Variants in COG5 observed in about 807,000 individuals in gnomAD.
COG5 encodes component of oligomeric golgi complex 5.
In COG5, 86 loss-of-function variants were observed where a neutral mutation model predicts 110.4. The observed-to-expected ratio is 0.78, with a 90% CI of 0.65 to 0.93. COG5 has a LOEUF of 0.93. Ranked by LOEUF, COG5 falls within the 40% of genes least tolerant of loss-of-function variation. COG5 has a pLI of 0.00. For synonymous variants in COG5, 360 were observed against 334.6 expected, an observed-to-expected ratio of 1.08 and a Z score of -0.83; for missense variants, 1,077 against 987.0, an observed-to-expected ratio of 1.09 and a Z score of -1.22.
At chr7:107,295,096 TATA>T (rs1160249512) in intron 12 of COG5, among the ~76,000 whole-genome samples, 39 of 73,122 alleles carry the variant, frequency 5.3e-4, no homozygotes, top group African/African-American at 1.3e-3. Flanking sequence ...TATATATATA[TATA>T]TATTTTTTTT....
intron 17 of COG5, among the ~76,000 whole-genome samples, chr7:107,241,143 T>C (rs1293131959): frequency 6.6e-6 from 1 of 152,204 alleles, no homozygotes; most frequent in Non-Finnish European, 1.5e-5. Flanking sequence ...CAGGCACTAG[T>C]TGCAGCTCAC....
At chr7:107,374,315 T>C (rs1814445078) in intron 7 of COG5, among the ~76,000 whole-genome samples, 1 of 152,104 alleles carries the variant, frequency 6.6e-6, no homozygotes, top group Admixed American at 6.6e-5. Flanking sequence ...CCCATGTCAT[T>C]ATTTAAGTGT....
chr7:107,440,338 A>C (rs553466543), intron 6 of COG5, among the ~76,000 whole-genome samples: 4 of 152,170 alleles, frequency 2.6e-5, no homozygotes, highest in African/African-American at 9.6e-5. Flanking sequence ...TAAAATAACT[A>C]CAACTTTCAG....
intron 6 of COG5, among the ~76,000 whole-genome samples, chr7:107,439,988 GC>G (rs1168846948): frequency 6.6e-6 from 1 of 152,116 alleles, no homozygotes; most frequent in Non-Finnish European, 1.5e-5. Context: ...TATATCCTCA[GC>G]CCCAACATCC....
At chr7:107,551,190 C>A (rs1464640219) in intron 3 of COG5, among the ~76,000 whole-genome samples, 9 of 151,906 alleles carry the variant, frequency 5.9e-5, no homozygotes, top group Non-Finnish European at 1.3e-4. Context: ...CTACAGGCAC[C>A]CACCACCACA....
In COG5 at chr7:107,558,092, C is replaced by T. The variant is rs781059953; in HGVS notation, c.118G>A (p.Glu40Lys). ...QDGCYSDFLN[E>K]DFDVKTYTSQ... ...GTATAAGTCTTTACATCAAAGTCTTCGTTTAAAAAGTCACTATAACACCCT... is the reference window on the plus strand; with the variant it reads ...GTATAAGTCTTTACATCAAAGTCTTTGTTTAAAAAGTCACTATAACACCCT... Residue 40 changes from glutamate to lysine, a missense_variant, in exon 2 of 22, where the codon GAA becomes AAA. Transcript: ENST00000297135. 5 of 1,613,664 alleles carry T rather than the reference C, an allele frequency of 3.1e-6. No individual in the cohort carries two copies. The highest frequency in any genetic ancestry group is 1.1e-5 in the South Asian group (1 of 91,062).
intron 21 of COG5, chr7:107,208,927 C>T (rs1433630268): frequency 1.1e-5 from 11 of 984,966 alleles, no homozygotes; most frequent in South Asian, 4.7e-5. Context: ...CAGGGGTTCA[C>T]GCCCTTGGCT....
At chr7:107,233,254 G>A (rs1027783918) in intron 18 of COG5, among the ~76,000 whole-genome samples, 18 of 152,206 alleles carry the variant, frequency 1.2e-4, no homozygotes, top group Non-Finnish European at 1.2e-4. Context: ...AGATCCCAGT[G>A]AGATTCAGAA....
At chr7:107,362,558 T>C (rs1448825105) in intron 8 of COG5, 138 bp from the exon 9 acceptor site, 1 of 663,558 alleles carries the variant, frequency 1.5e-6, no homozygotes, top group East Asian at 2.7e-5. Flanking sequence ...TGAGTAAGAA[T>C]CTTAACCTTT....
chr7:107,328,672 A>C (rs1220924770), intron 10 of COG5, among the ~76,000 whole-genome samples: 2 of 152,198 alleles, frequency 1.3e-5, no homozygotes, highest in Non-Finnish European at 2.9e-5. Flanking sequence ...ATTCTAATAC[A>C]CATTTTAGTA....
rs551193733 is a variant in COG5, at chr7:107,314,544, A to G, written c.1108+9896T>C. ...AGATCACGAGGTCAGGAGATAAGAG[A>G]CCATCCTGGGTAACACGGTGAAACC... is the stretch of plus-strand genomic sequence containing the variant. On this transcript the variant is annotated intron_variant, in intron 11 of 21. Coordinates refer to ENST00000297135, the MANE Select transcript of COG5 (RefSeq NM_006348.5). 3.4e-5 allele frequency among the ~76,000 whole-genome samples: 5 copies of G among 147,710 alleles called. No individual in the cohort carries two copies. The South Asian group carries it at 8.6e-4, about 25-fold the overall frequency.
intron 6 of COG5, among the ~76,000 whole-genome samples, chr7:107,447,813 T>C (rs530696351): frequency 5.9e-5 from 9 of 152,192 alleles, no homozygotes; most frequent in Admixed American, 3.3e-4. Context: ...AATCAGGCTT[T>C]TATTCGGATT....
intron 11 of COG5, among the ~76,000 whole-genome samples, chr7:107,313,029 G>C (rs1443577490): frequency 6.6e-6 from 1 of 152,136 alleles, no homozygotes; most frequent in Non-Finnish European, 1.5e-5. Flanking sequence ...TCCCATTTGT[G>C]AGGCTTAGGA....
intron 6 of COG5, among the ~76,000 whole-genome samples, chr7:107,495,340 C>A (rs1272827446): frequency 6.6e-6 from 1 of 152,122 alleles, no homozygotes; most frequent in Non-Finnish European, 1.5e-5. Context: ...CCCAAAGTGG[C>A]AGCTGTAAGA....
intron 14 of COG5, among the ~76,000 whole-genome samples, chr7:107,259,201 C>G (rs1003724228): frequency 1.3e-5 from 2 of 151,870 alleles, no homozygotes; most frequent in Admixed American, 1.3e-4. Context: ...TCCTTTATAA[C>G]AATTATTATT....
intron 6 of COG5, among the ~76,000 whole-genome samples, chr7:107,449,735 C>T (rs1795222173): frequency 6.6e-6 from 1 of 152,066 alleles, no homozygotes; most frequent in African/African-American, 2.4e-5. Context: ...GCTATGGTTG[C>T]CCACCATCTC....
chr7:107,408,673 C>T (rs1395984252), intron 7 of COG5, among the ~76,000 whole-genome samples: 1 of 152,222 alleles, frequency 6.6e-6, no homozygotes, highest in Admixed American at 6.5e-5. Context: ...CTTCTATCAG[C>T]TCTAATGGGG....
chr7:107,321,308 AT>A (rs1809250099), intron 11 of COG5, among the ~76,000 whole-genome samples: 1 of 152,208 alleles, frequency 6.6e-6, no homozygotes, highest in African/African-American at 2.4e-5. Context: ...ATAAGAAAAA[AT>A]GTAAAAGTCC....
intron 19 of COG5, among the ~76,000 whole-genome samples, chr7:107,222,200 C>T (rs1216673006): frequency 2.0e-5 from 3 of 151,888 alleles, no homozygotes; most frequent in Admixed American, 6.6e-5. Context: ...ATCACCTGTC[C>T]CCCCCTTTTT....
Sources: gnomAD v4.1 joint callset for allele counts (sites outside exome capture counted in the v4.1 genomes callset) on GRCh38, gnomAD v4.1.1 for gene constraint, MANE v1.5 for transcripts, NCBI Gene and HGNC (gene_info 2026-07-23, HGNC 2026-07-21) for gene names.